The following MCTP1 variants were observed in gnomAD, a reference collection of about 807,000 sequenced individuals.
MCTP1 encodes the protein multiple C2 and transmembrane domain-containing protein 1.
Under a neutral mutation model 120.6 loss-of-function variants are expected in MCTP1, and 69 were observed. The ratio of observed to expected loss-of-function variants is 0.57; its 90% CI spans 0.47 to 0.70. The LOEUF is 0.70. Ranked by LOEUF, MCTP1 falls within the 30% of genes least tolerant of loss-of-function variation. MCTP1 has a pLI of 0.00. For missense variants in MCTP1, 1,203 were observed against 1,248.8 expected (o/e 0.96, Z 0.55); for synonymous variants, 529 against 493.1 (o/e 1.07, Z -0.96).
chr5:95,279,353 T>C (rs1055650386), intron 1 of MCTP1, among the ~76,000 whole-genome samples: 1 of 152,216 alleles, frequency 6.6e-6, no homozygotes, highest in Non-Finnish European at 1.5e-5. Context: ...AATGCATACA[T>C]ACTTGCTAAA....
At chr5:95,061,678 G>A (rs1442480264) in intron 1 of MCTP1, among the ~76,000 whole-genome samples, 5 of 151,482 alleles carry the variant, frequency 3.3e-5, no homozygotes, top group East Asian at 1.9e-4. Context: ...CTCGTGATCC[G>A]CCCGCCTCGG....
At chr5:94,784,717 A>T (rs749053180) in intron 18 of MCTP1, 1 of 152,034 alleles carries the variant, frequency 6.6e-6, no homozygotes, top group Non-Finnish European at 1.5e-5. Flanking sequence ...AGTCATCAAG[A>T]TAACTGAACC....
chr5:94,828,683 G>C (rs1481128487), intron 17 of MCTP1, among the ~76,000 whole-genome samples: 1 of 152,198 alleles, frequency 6.6e-6, no homozygotes, highest in Non-Finnish European at 1.5e-5. Flanking sequence ...CGGCAGTCTG[G>C]CTACAGTAGC....
At chr5:95,056,042 T>C in intron 1 of MCTP1, among the ~76,000 whole-genome samples, 1 of 152,220 alleles carries the variant, frequency 6.6e-6, no homozygotes, top group Middle Eastern at 3.2e-3. Context: ...ATGCACACTA[T>C]GTAATTCAGA....
intron 19 of MCTP1, among the ~76,000 whole-genome samples, chr5:94,744,762 C>T (rs975767300): frequency 6.6e-6 from 1 of 152,114 alleles, no homozygotes; most frequent in Non-Finnish European, 1.5e-5. Context: ...CCGCCCGTCT[C>T]GGCCTCCAAC....
chr5:95,069,127 C>T (rs564152313), intron 1 of MCTP1, among the ~76,000 whole-genome samples: 36 of 152,110 alleles, frequency 2.4e-4, no homozygotes, highest in Non-Finnish European at 4.0e-4. Context: ...TCAAATGTGC[C>T]CTATTTTTCT....
At chr5:95,221,072 T>C (rs1486896725) in intron 1 of MCTP1, among the ~76,000 whole-genome samples, 1 of 152,216 alleles carries the variant, frequency 6.6e-6, no homozygotes, top group Non-Finnish European at 1.5e-5. Flanking sequence ...GTGTCCGAAA[T>C]ATGCTGTCCA....
chr5:95,165,801 G>T (rs1200606860), intron 1 of MCTP1, among the ~76,000 whole-genome samples: 1 of 152,170 alleles, frequency 6.6e-6, no homozygotes, highest in East Asian at 1.9e-4. Flanking sequence ...TTCTGATTCT[G>T]CCCGGCTGTT....
chr5:94,852,400 T>C (rs1440878641), intron 17 of MCTP1, among the ~76,000 whole-genome samples: 1 of 151,936 alleles, frequency 6.6e-6, no homozygotes, highest in Admixed American at 6.6e-5. Flanking sequence ...AATAAATTCA[T>C]GTGTAGCCCT....
intron 1 of MCTP1, among the ~76,000 whole-genome samples, chr5:95,215,617 T>A (rs1348700546): frequency 1.3e-5 from 2 of 152,180 alleles, no homozygotes; most frequent in Non-Finnish European, 2.9e-5. Flanking sequence ...TTTTTAGCCT[T>A]GTTATTTTTT....
At position 94,817,246 on chromosome 5, in the gene MCTP1, T is replaced by C. The variant is rs191661247; in HGVS notation, c.2437-18114A>G. On this transcript the variant is annotated intron_variant, in intron 17 of 22. Coordinates refer to ENST00000515393, the MANE Select transcript of MCTP1 (RefSeq NM_024717.7). Reference sequence around the variant, plus strand: ...GGTGAAACCTCGTCTCTACTAAAAATACAAAAATTAGCTGGGTGTGGTGGC... The same window carrying C: ...GGTGAAACCTCGTCTCTACTAAAAACACAAAAATTAGCTGGGTGTGGTGGC... Among the ~76,000 whole-genome samples the C allele has an allele frequency of 6.6e-5, 10 of 152,104 alleles. No individual in the cohort carries two copies. In the South Asian group the frequency reaches 1.5e-3, roughly 22 times the overall value.
intron 1 of MCTP1, among the ~76,000 whole-genome samples, chr5:95,188,151 A>G (rs1283529824): frequency 6.6e-6 from 1 of 152,254 alleles, no homozygotes; most frequent in Non-Finnish European, 1.5e-5. Flanking sequence ...AAATGAGTAC[A>G]TGAAAAGATG....
intron 2 of MCTP1, among the ~76,000 whole-genome samples, chr5:94,991,865 G>A (rs1425357876): frequency 1.5e-5 from 2 of 132,968 alleles, no homozygotes; most frequent in African/African-American, 5.8e-5. Context: ...AAACAAGAGT[G>A]AAACTCCATC....
chr5:94,744,056 T>C (rs1177418479), intron 19 of MCTP1, among the ~76,000 whole-genome samples: 2 of 152,052 alleles, frequency 1.3e-5, no homozygotes, highest in African/African-American at 4.8e-5. Context: ...CTGCAACCTC[T>C]GCTTCCCGGG....
chr5:95,074,038 C>A (rs1191709724), intron 1 of MCTP1, among the ~76,000 whole-genome samples: 1 of 152,144 alleles, frequency 6.6e-6, no homozygotes, highest in Non-Finnish European at 1.5e-5. Context: ...ATCGCTTGAA[C>A]CTGGGAGGTG....
intron 1 of MCTP1, among the ~76,000 whole-genome samples, chr5:95,056,227 C>A (rs1364353591): frequency 6.6e-6 from 1 of 152,164 alleles, no homozygotes; most frequent in African/African-American, 2.4e-5. Context: ...CTTAATACAT[C>A]CACTTGAAGA....
intron 11 of MCTP1, among the ~76,000 whole-genome samples, chr5:94,890,599 T>A (rs1802365221): frequency 6.6e-6 from 1 of 152,232 alleles, no homozygotes; most frequent in South Asian, 2.1e-4. Flanking sequence ...TTTACAGTTT[T>A]ATTTGCTATT....
At chr5:95,216,946 G>C (rs1753107543) in intron 1 of MCTP1, among the ~76,000 whole-genome samples, 1 of 152,112 alleles carries the variant, frequency 6.6e-6, no homozygotes, top group African/African-American at 2.4e-5. Flanking sequence ...TAAATAAAAA[G>C]AAGATTTAAA....
intron 19 of MCTP1, among the ~76,000 whole-genome samples, chr5:94,754,727 C>T (rs1301572014): frequency 6.6e-6 from 1 of 152,124 alleles, no homozygotes; most frequent in Non-Finnish European, 1.5e-5. Flanking sequence ...TATAAACAAA[C>T]AAGACAGACA....
Sources: gnomAD v4.1 joint callset for allele counts (sites outside exome capture counted in the v4.1 genomes callset) on GRCh38, gnomAD v4.1.1 for gene constraint, MANE v1.5 for transcripts, NCBI Gene and HGNC (gene_info 2026-07-23, HGNC 2026-07-21) for gene names.